SLC6A5: variants seen among roughly 807,000 people sequenced by gnomAD.
SLC6A5 encodes the protein sodium- and chloride-dependent glycine transporter 2.
In SLC6A5, 58 loss-of-function variants were observed where a neutral mutation model predicts 90.5. That is an observed-to-expected ratio of 0.64 (90% CI 0.52 to 0.80). The LOEUF is 0.80. Ranked by LOEUF, SLC6A5 falls within the 30% of genes least tolerant of loss-of-function variation. The probability of loss-of-function intolerance (pLI) is 0.00; values close to 1 mark genes in which losing one functional copy is unlikely to be tolerated. For synonymous variants in SLC6A5, 427 were observed against 401.4 expected, an observed-to-expected ratio of 1.06 and a Z score of -0.76; for missense variants, 1,015 against 1,017.6, an observed-to-expected ratio of 1.00 and a Z score of 0.03.
intron 12 of SLC6A5, 94 bp downstream of exon 12, chr11:20,637,397 T>A: frequency 8.8e-7 from 1 of 1,137,314 alleles, no homozygotes; most frequent in Non-Finnish European, 1.3e-6. Flanking sequence ...TCAGACCTTA[T>A]AATCAAAGGC....
chr11:20,614,530 T>A lies in SLC6A5; in HGVS notation c.986-149T>A, dbSNP rs533276763. 42 of 741,946 alleles carry A rather than the reference T, an allele frequency of 5.7e-5. No individual in the cohort carries two copies. The African/African-American group carries it at 6.3e-4, about 11-fold the overall frequency. The allele number at this position is 741,946 out of a possible 1,614,324, so 46.0% of individuals were successfully genotyped here. ...ATTCTTTGGTTCTTTTCTTAATATA[T>A]CTGGCTTTGCCCAGTTAATCCTTTC... is the stretch of plus-strand genomic sequence containing the variant. On this transcript the variant is annotated intron_variant, in intron 5 of 15. Coordinates refer to ENST00000525748, the MANE Select transcript of SLC6A5 (RefSeq NM_004211.5).
At chr11:20,613,850 G>T (rs181329183) in intron 5 of SLC6A5, among the ~76,000 whole-genome samples, 1 of 151,838 alleles carries the variant, frequency 6.6e-6, no homozygotes, top group African/African-American at 2.4e-5. Context: ...TCTTTGTTGT[G>T]GGGGGCTGTC....
At chr11:20,619,348 T>C (rs970766352) in intron 7 of SLC6A5, among the ~76,000 whole-genome samples, 3 of 152,240 alleles carry the variant, frequency 2.0e-5, no homozygotes, top group African/African-American at 7.2e-5. Context: ...TGGACATTTT[T>C]GATTACAGCT....
intron 2 of SLC6A5, 143 bp downstream of exon 2, chr11:20,601,808 G>C: frequency 1.1e-6 from 1 of 905,672 alleles, no homozygotes; most frequent in Non-Finnish European, 1.7e-6. Flanking sequence ...GCGGCTTTGG[G>C]GCTTCGGAAG....
chr11:20,618,981 A>ACACAC (rs376434465), intron 7 of SLC6A5, among the ~76,000 whole-genome samples: 12 of 106,944 alleles, frequency 1.1e-4, no homozygotes, highest in Non-Finnish European at 2.0e-4. Context: ...CACACACACA[A>ACACAC]AGAAAAACCT....
intron 6 of SLC6A5, among the ~76,000 whole-genome samples, chr11:20,616,420 C>T (rs753731435): frequency 6.6e-6 from 1 of 152,172 alleles, no homozygotes; most frequent in African/African-American, 2.4e-5. Flanking sequence ...GATTTGCAAA[C>T]CTGCTTTTGA....
At chr11:20,604,250 G>C (rs781640195) in intron 2 of SLC6A5, 36 bp from the exon 3 acceptor site, 6 of 1,584,432 alleles carry the variant, frequency 3.8e-6, no homozygotes, top group East Asian at 4.5e-5. Context: ...GGACCTACTC[G>C]GGGCTGTTAT....
At chr11:20,630,663 A>G in intron 9 of SLC6A5, 28 bp from the exon 10 acceptor site, 1 of 1,613,978 alleles carries the variant, frequency 6.2e-7, no homozygotes, top group Non-Finnish European at 8.5e-7. Flanking sequence ...AGCACACCTA[A>G]TGGAAAACTC....
chr11:20,608,980 G>GTT (rs1852643660), intron 5 of SLC6A5, among the ~76,000 whole-genome samples: 2 of 151,132 alleles, frequency 1.3e-5, no homozygotes, highest in African/African-American at 2.4e-5. Context: ...GTGTGTGTGT[G>GTT]TGTGTGTGTG....
chr11:20,631,451 T>A (rs537109482), intron 10 of SLC6A5, among the ~76,000 whole-genome samples: 1 of 152,308 alleles, frequency 6.6e-6, no homozygotes, highest in Admixed American at 6.5e-5. Context: ...TGGCTAACAT[T>A]TGTATGGTGC....
chr11:20,606,873 G>T, intron 3 of SLC6A5, 134 bp from the exon 4 acceptor site: 1 of 1,069,518 alleles, frequency 9.4e-7, no homozygotes, highest in Non-Finnish European at 1.4e-6. Context: ...GGACATCAAA[G>T]GGCTTCTTCA....
chr11:20,634,486 T>C (rs1342583519), intron 10 of SLC6A5, among the ~76,000 whole-genome samples: 1 of 152,238 alleles, frequency 6.6e-6, no homozygotes, highest in South Asian at 2.1e-4. Context: ...GGTAGAATCC[T>C]GTTAAAGTGA....
intron 1 of SLC6A5, among the ~76,000 whole-genome samples, chr11:20,600,620 G>A (rs1328467958): frequency 6.6e-6 from 1 of 152,176 alleles, no homozygotes; most frequent in African/African-American, 2.4e-5. Flanking sequence ...GTTGTGGAGC[G>A]CTGGGACTCA....
intron 7 of SLC6A5, 145 bp from the exon 8 acceptor site, chr11:20,626,563 C>T (rs750121254): frequency 8.2e-6 from 7 of 851,182 alleles, no homozygotes; most frequent in Non-Finnish European, 1.3e-5. Flanking sequence ...TCCCTGCTTC[C>T]CCAGCCCTGG....
intron 5 of SLC6A5, among the ~76,000 whole-genome samples, chr11:20,612,320 T>C (rs181036032): frequency 6.6e-6 from 1 of 152,326 alleles, no homozygotes; most frequent in Admixed American, 6.5e-5. Flanking sequence ...GGGAAGATTT[T>C]TAATTTGTGA....
At chr11:20,610,077 T>C (rs981968938) in intron 5 of SLC6A5, among the ~76,000 whole-genome samples, 10 of 152,254 alleles carry the variant, frequency 6.6e-5, no homozygotes, top group African/African-American at 1.9e-4. Context: ...TTACAACTTT[T>C]AATTAAATGA....
intron 13 of SLC6A5, among the ~76,000 whole-genome samples, chr11:20,645,874 A>T (rs932223695): frequency 1.3e-5 from 2 of 152,108 alleles, no homozygotes; most frequent in Admixed American, 6.5e-5. Context: ...TGACCTCGTG[A>T]TCCACCTGCC....
At chr11:20,651,807 T>TG (rs1853537590) in intron 14 of SLC6A5, among the ~76,000 whole-genome samples, 1 of 151,566 alleles carries the variant, frequency 6.6e-6, no homozygotes, top group Admixed American at 6.6e-5. Flanking sequence ...TTCGGGAGGC[T>TG]GGGGCAGGAG....
chr11:20,599,745 G>A, intron 1 of SLC6A5, 70 bp downstream of exon 1: 3 of 1,594,994 alleles, frequency 1.9e-6, no homozygotes, highest in Non-Finnish European at 2.6e-6. Flanking sequence ...ATTCGTTTTG[G>A]CTATTTCTTT....
Sources: allele counts gnomAD v4.1 joint callset (sites outside exome capture counted in the v4.1 genomes callset), GRCh38; gene constraint gnomAD v4.1.1; transcripts MANE v1.5; gene names NCBI Gene and HGNC (gene_info 2026-07-23, HGNC 2026-07-21).